The following MMS22L variants were observed in gnomAD, a reference collection of about 807,000 sequenced individuals.
MMS22L encodes the protein protein MMS22-like.
Under a neutral mutation model 159.1 loss-of-function variants are expected in MMS22L, and 74 were observed. That is an observed-to-expected ratio of 0.47 (90% CI 0.39 to 0.56). The LOEUF (loss-of-function observed/expected upper bound fraction) is 0.56, where lower values mean the gene tolerates loss of function less well. Ranked by LOEUF, MMS22L falls within the 20% of genes least tolerant of loss-of-function variation. The pLI, the probability that MMS22L is intolerant of heterozygous loss-of-function variation, is 0.00. For synonymous variants in MMS22L, 517 were observed against 506.9 expected (o/e 1.02, Z -0.27); for missense variants, 1,351 against 1,422.1 (o/e 0.95, Z 0.80).
At chr6:97,219,185 TG>T (rs747296730) in intron 14 of MMS22L, among the ~76,000 whole-genome samples, 2 of 152,112 alleles carry the variant, frequency 1.3e-5, no homozygotes, top group African/African-American at 4.8e-5. Context: ...CCATATCAAC[TG>T]GTAACACACG....
At chr6:97,190,950 G>A (rs1391447078) in intron 14 of MMS22L, among the ~76,000 whole-genome samples, 1 of 152,130 alleles carries the variant, frequency 6.6e-6, no homozygotes, top group Non-Finnish European at 1.5e-5. Context: ...TTATCCAGGT[G>A]TTCCTACGCT....
chr6:97,270,820 A>G (rs1179906426), intron 6 of MMS22L: 1 of 152,200 alleles, frequency 6.6e-6, no homozygotes, highest in Non-Finnish European at 1.5e-5. Context: ...TCAATAAAAA[A>G]TAAGATTTTT....
chr6:97,163,411 T>G (rs1268641960), intron 21 of MMS22L, among the ~76,000 whole-genome samples: 2 of 151,848 alleles, frequency 1.3e-5, no homozygotes, highest in African/African-American at 2.4e-5. Context: ...GAAGAAGTCA[T>G]AGAAGACAAT....
chr6:97,168,286 C>A, intron 19 of MMS22L, 46 bp from the exon 20 acceptor site: 1 of 1,561,228 alleles, frequency 6.4e-7, no homozygotes, highest in Non-Finnish European at 8.7e-7. Context: ...ATCCTCTGAC[C>A]AGAACATTTT....
intron 14 of MMS22L, among the ~76,000 whole-genome samples, chr6:97,215,141 G>A (rs765527745): frequency 3.4e-5 from 5 of 145,990 alleles, no homozygotes; most frequent in African/African-American, 7.7e-5. Context: ...TTTCACTAGC[G>A]GCTGTTCACC....
At chr6:97,214,694 T>TG (rs926191844) in intron 14 of MMS22L, among the ~76,000 whole-genome samples, 3 of 148,454 alleles carry the variant, frequency 2.0e-5, no homozygotes, top group Admixed American at 6.7e-5. Context: ...TGTTTTTTTT[T>TG]TTTTTTCAAA....
chr6:97,225,572 G>GTTTTTTTTTTTTTTTTTTTT (rs202185434), intron 14 of MMS22L, among the ~76,000 whole-genome samples: 1 of 142,060 alleles, frequency 7.0e-6, no homozygotes, highest in African/African-American at 2.6e-5. Flanking sequence ...TGGTCTCGAA[G>GTTTTTTTTTTTTTTTTTTTT]TTTTTTTTTT....
At chr6:97,180,022 C>G (rs921222950) in intron 16 of MMS22L, among the ~76,000 whole-genome samples, 1 of 152,018 alleles carries the variant, frequency 6.6e-6, no homozygotes, top group Admixed American at 6.5e-5. Flanking sequence ...AATTACCTCA[C>G]AAAGAATTCC....
intron 14 of MMS22L, among the ~76,000 whole-genome samples, chr6:97,208,875 C>A (rs532691697): frequency 6.6e-6 from 1 of 152,018 alleles, no homozygotes; most frequent in Non-Finnish European, 1.5e-5. Context: ...ATTCATCAGA[C>A]TAGTTTGTAT....
At chr6:97,196,363 A>G (rs1423112293) in intron 14 of MMS22L, among the ~76,000 whole-genome samples, 1 of 152,234 alleles carries the variant, frequency 6.6e-6, no homozygotes, top group Non-Finnish European at 1.5e-5. Flanking sequence ...AGTAAAGCAT[A>G]GTGACATGAA....
Position 97,179,435 on chromosome 6 carries a change from T to C in MMS22L, c.2509A>G (p.Ile837Val), listed in dbSNP as rs774276697. 6.2e-7 allele frequency: 1 copy of C among 1,612,758 alleles called. No individual in the cohort carries two copies. Residue 837 changes from isoleucine (I) to valine (V), a missense_variant, in exon 17 of 25, where the codon ATA (isoleucine) becomes GTA (valine). Ile to Val is a conservative substitution (Grantham distance 29, BLOSUM62 3). Transcript: ENST00000683635. The part of the protein sequence containing the change: ...KNLSGPDDLL[I>V]DKNLEEAVEK... ...ACTGCCTCTTCCAGATTTTTATCTA[T>C]GAGCAAATCATCAGGCCCAGAGAGG...
chr6:97,213,430 A>G (rs1808616044), intron 14 of MMS22L, among the ~76,000 whole-genome samples: 1 of 152,116 alleles, frequency 6.6e-6, no homozygotes, highest in Non-Finnish European at 1.5e-5. Flanking sequence ...GAGGTTGTAG[A>G]AATTTCCATA....
At chr6:97,157,487 C>T (rs538387306) in intron 22 of MMS22L, among the ~76,000 whole-genome samples, 41 of 152,198 alleles carry the variant, frequency 2.7e-4, no homozygotes, top group African/African-American at 9.6e-4. Context: ...TTTTGAGACA[C>T]GTTCCATCAA....
At position 97,202,336 on chromosome 6, in the gene MMS22L, A is replaced by G. The variant is rs1030473721; in HGVS notation, c.2040-15646T>C. On this transcript the variant is annotated intron_variant, in intron 14 of 24. Transcript: ENST00000683635. Reference sequence around the variant, plus strand: ...AGGGTGTTTACCTGGCAACCTCTCTATCCACTTGCCTGAGATCATATACCT... The same window carrying G: ...AGGGTGTTTACCTGGCAACCTCTCTGTCCACTTGCCTGAGATCATATACCT... Among the ~76,000 whole-genome samples the G allele has an allele frequency of 2.6e-5, 4 of 152,218 alleles. No homozygotes were observed. The South Asian group carries it at 8.3e-4, about 31-fold the overall frequency.
At chr6:97,279,785 C>CAA (rs760977110) in intron 3 of MMS22L, among the ~76,000 whole-genome samples, 2 of 81,360 alleles carry the variant, frequency 2.5e-5, no homozygotes, top group Admixed American at 1.3e-4. Context: ...GACACCCTCT[C>CAA]AAAAAAAAAA....
chr6:97,261,261 G>A (rs887881595), intron 9 of MMS22L: 1 of 152,098 alleles, frequency 6.6e-6, no homozygotes, highest in Non-Finnish European at 1.5e-5. Flanking sequence ...TATATAATAC[G>A]TATGTTTTTG....
intron 11 of MMS22L, among the ~76,000 whole-genome samples, chr6:97,239,973 C>A (rs1362698022): frequency 6.6e-6 from 1 of 152,158 alleles, no homozygotes; most frequent in African/African-American, 2.4e-5. Context: ...TTGAAGGCTG[C>A]TGTATATTTG....
In MMS22L at chr6:97,254,599, T is replaced by C; in HGVS notation, c.1077A>G (p.Ala359=). The stretch of plus-strand genomic sequence containing the variant: ...CATGGCGATCAAACTTGTAAAATGA[T>C]GCTACATGAGTAATAATCCACCAAC... ...GFSWWIITHV[A]SFYKFDRHGV... The change falls in exon 10 of 25, where the codon GCA becomes GCG. Residue 359 remains alanine (A), a synonymous_variant. Coordinates refer to ENST00000683635, the MANE Select transcript of MMS22L (RefSeq NM_001350599.2). 6.2e-7 allele frequency: 1 copy of C among 1,613,666 alleles called. No homozygotes were observed.
intron 14 of MMS22L, among the ~76,000 whole-genome samples, chr6:97,194,697 T>C (rs1243603795): frequency 2.6e-5 from 4 of 152,108 alleles, no homozygotes; most frequent in Non-Finnish European, 4.4e-5. Context: ...CTTTACTCTA[T>C]AGGTATAAGT....
Sources: gnomAD v4.1 joint callset for allele counts (sites outside exome capture counted in the v4.1 genomes callset) on GRCh38, gnomAD v4.1.1 for gene constraint, MANE v1.5 for transcripts, NCBI Gene and HGNC (gene_info 2026-07-23, HGNC 2026-07-21) for gene names.